Variants in PLXDC2 observed in about 807,000 individuals in gnomAD.
PLXDC2 encodes the protein plexin domain-containing protein 2.
A neutral mutation model predicts 68.9 loss-of-function variants in PLXDC2; 40 were observed. The ratio of observed to expected loss-of-function variants is 0.58; its 90% CI spans 0.45 to 0.76. The LOEUF is 0.76. Among genes scored for constraint, PLXDC2 ranks in the 30% least tolerant of loss-of-function variants. The pLI is 0.00. For synonymous variants in PLXDC2, 243 were observed against 234.2 expected (o/e 1.04, Z -0.34); for missense variants, 644 against 661.9 (o/e 0.97, Z 0.30).
intron 2 of PLXDC2, among the ~76,000 whole-genome samples, chr10:20,038,395 A>G (rs1285116929): frequency 6.6e-6 from 1 of 152,188 alleles, no homozygotes; most frequent in Non-Finnish European, 1.5e-5. Flanking sequence ...CAACTGTAAC[A>G]ACATGGAAAA....
intron 1 of PLXDC2, among the ~76,000 whole-genome samples, chr10:19,859,019 C>CGA (rs60326474): frequency 0.063 from 8,175 of 130,788 alleles, 254 homozygotes; most frequent in South Asian, 0.079. Context: ...AGAAAAGCAG[C>CGA]GAGAGAGAGA....
At chr10:20,250,065 C>T (rs910050681) in intron 13 of PLXDC2, among the ~76,000 whole-genome samples, 2 of 151,950 alleles carry the variant, frequency 1.3e-5, no homozygotes, top group African/African-American at 2.4e-5. Context: ...GTCCGGAGTT[C>T]GAGACCAGTT....
intron 1 of PLXDC2, among the ~76,000 whole-genome samples, chr10:19,842,178 T>C (rs1836922164): frequency 6.6e-6 from 1 of 152,130 alleles, no homozygotes; most frequent in Non-Finnish European, 1.5e-5. Context: ...CTCTGGAGGC[T>C]GAGAATTGAC....
intron 1 of PLXDC2, among the ~76,000 whole-genome samples, chr10:19,857,471 AC>A (rs1353068770): frequency 1.3e-5 from 2 of 152,214 alleles, no homozygotes; most frequent in African/African-American, 2.4e-5. Context: ...TACTTTTTTA[AC>A]CAAGAATTAT....
chr10:20,022,446 G>A (rs1024206488), intron 2 of PLXDC2, among the ~76,000 whole-genome samples: 1 of 152,184 alleles, frequency 6.6e-6, no homozygotes. Flanking sequence ...GGGAAGACTT[G>A]TTAGAAAGGC....
intron 1 of PLXDC2, among the ~76,000 whole-genome samples, chr10:19,900,010 G>A (rs567287691): frequency 1.3e-5 from 2 of 152,074 alleles, no homozygotes; most frequent in African/African-American, 4.8e-5. Flanking sequence ...AGATATAGAC[G>A]TAAAAATAGG....
intron 2 of PLXDC2, among the ~76,000 whole-genome samples, chr10:20,042,283 A>G (rs983059815): frequency 4.6e-5 from 7 of 151,938 alleles, no homozygotes; most frequent in Non-Finnish European, 1.0e-4. Context: ...AACACAGGGA[A>G]CTCTTTTATT....
chr10:19,859,835 G>A (rs1038666018), intron 1 of PLXDC2, among the ~76,000 whole-genome samples: 24 of 152,078 alleles, frequency 1.6e-4, no homozygotes, highest in African/African-American at 5.6e-4. Flanking sequence ...GGGTTCAAGC[G>A]ATTCTCGTGC....
At chr10:20,122,374 A>G (rs571347524) in intron 4 of PLXDC2, among the ~76,000 whole-genome samples, 3 of 152,320 alleles carry the variant, frequency 2.0e-5, no homozygotes, top group African/African-American at 4.8e-5. Context: ...CCTGAAGCTC[A>G]GCGTCCGTGA....
chr10:20,163,190 C>T (rs928443642), intron 6 of PLXDC2, among the ~76,000 whole-genome samples: 1 of 152,120 alleles, frequency 6.6e-6, no homozygotes, highest in Non-Finnish European at 1.5e-5. Flanking sequence ...CATACTGACA[C>T]AAAATTTGCA....
At chr10:19,827,664 G>A (rs1210126497) in intron 1 of PLXDC2, among the ~76,000 whole-genome samples, 2 of 151,684 alleles carry the variant, frequency 1.3e-5, no homozygotes, top group Non-Finnish European at 2.9e-5. Context: ...GGGTTCAAGT[G>A]ATTTTCCTGC....
intron 4 of PLXDC2, among the ~76,000 whole-genome samples, chr10:20,120,158 T>C (rs993958524): frequency 4.6e-5 from 7 of 151,946 alleles, no homozygotes; most frequent in African/African-American, 1.2e-4. Context: ...AGACAGAAGA[T>C]AGTAGGGATG....
At chr10:20,004,042 T>C (rs1316726880) in intron 2 of PLXDC2, among the ~76,000 whole-genome samples, 1 of 152,196 alleles carries the variant, frequency 6.6e-6, no homozygotes, top group African/African-American at 2.4e-5. Context: ...GGCAGCATTC[T>C]TTTTACTGCA....
At chr10:19,892,816 T>C (rs1426188934) in intron 1 of PLXDC2, among the ~76,000 whole-genome samples, 2 of 152,142 alleles carry the variant, frequency 1.3e-5, no homozygotes, top group African/African-American at 4.8e-5. Context: ...TCAATAAGGA[T>C]TTTGTTTATC....
chr10:20,210,425 A>T (rs745775575), intron 9 of PLXDC2, among the ~76,000 whole-genome samples: 2 of 152,214 alleles, frequency 1.3e-5, no homozygotes, highest in Admixed American at 6.5e-5. Context: ...ATGCTTTATC[A>T]GAATGTGCTC....
chr10:20,124,957 G>A lies in PLXDC2; in HGVS notation c.542-18338G>A, dbSNP rs951207488. Among the ~76,000 whole-genome samples, 9 of 152,140 alleles carry A rather than the reference G, an allele frequency of 5.9e-5. No individual in the cohort carries two copies. The South Asian group carries it at 1.0e-3, about 17-fold the overall frequency. On this transcript the variant is annotated intron_variant, in intron 4 of 13. Coordinates refer to ENST00000377252, the MANE Select transcript of PLXDC2 (RefSeq NM_032812.9). ...ACAGTAATGACCTTTGGTTTAGAAAGCTATGAGAGGGTAATATAGTGGCAG... is the reference window on the plus strand; with the variant it reads ...ACAGTAATGACCTTTGGTTTAGAAAACTATGAGAGGGTAATATAGTGGCAG...
chr10:20,017,071 G>A lies in PLXDC2; in HGVS notation c.324+15085G>A, dbSNP rs552179036. 1.9e-3 allele frequency among the ~76,000 whole-genome samples: 286 copies of A among 152,338 alleles called. 1 individual carries two copies. The highest frequency in any genetic ancestry group is 5.9e-3 in the African/African-American group (247 of 41,590). On this transcript the variant is annotated intron_variant, in intron 2 of 13. Transcript: ENST00000377252. ...AATTGAAATGCTGCAAAGCACACAT[G>A]CCTGGAGAAAGAGAGAGGCAGAGAG...
intron 4 of PLXDC2, among the ~76,000 whole-genome samples, chr10:20,078,960 G>T (rs1836500645): frequency 6.6e-6 from 1 of 151,908 alleles, no homozygotes; most frequent in Admixed American, 6.6e-5. Flanking sequence ...AACTAGAGAA[G>T]AATTATTTTA....
At chr10:20,230,765 G>C (rs1292752388) in intron 12 of PLXDC2, among the ~76,000 whole-genome samples, 1 of 91,868 alleles carries the variant, frequency 1.1e-5, no homozygotes, top group Non-Finnish European at 2.3e-5. Context: ...TTTTAAGTTA[G>C]ACAAAAAAAA....
Sources: gnomAD v4.1 joint callset for allele counts (sites outside exome capture counted in the v4.1 genomes callset) on GRCh38, gnomAD v4.1.1 for gene constraint, MANE v1.5 for transcripts, NCBI Gene and HGNC (gene_info 2026-07-23, HGNC 2026-07-21) for gene names.